MSR1: variants seen among roughly 807,000 people sequenced by gnomAD.
MSR1 encodes the protein macrophage scavenger receptor types I and II.
MSR1 carries 53 observed loss-of-function variants against 47.2 expected under a neutral mutation model. That is an observed-to-expected ratio of 1.12 (90% confidence interval 0.90 to 1.41). The LOEUF is 1.41. Ranked by LOEUF, MSR1 falls within the 40% of genes most tolerant of loss-of-function variation. MSR1 has a pLI of 0.00. For missense variants in MSR1, 786 were observed against 546.9 expected, an observed-to-expected ratio of 1.44 and a Z score of -4.36; for synonymous variants, 239 against 185.6, an observed-to-expected ratio of 1.29 and a Z score of -2.34.
At chr8:16,177,765 G>A in intron 2 of MSR1, 121 bp downstream of exon 2, 1 of 770,384 alleles carries the variant, frequency 1.3e-6, no homozygotes, top group Non-Finnish European at 2.2e-6. Flanking sequence ...ACCCCTGTTG[G>A]TCAAATAAGT....
At chr8:16,123,556 G>C (rs1800056851) in intron 8 of MSR1, among the ~76,000 whole-genome samples, 1 of 143,954 alleles carries the variant, frequency 6.9e-6, no homozygotes, top group South Asian at 2.3e-4. Context: ...TTTTTATCTT[G>C]TATATAAAGA....
intron 9 of MSR1, among the ~76,000 whole-genome samples, chr8:16,119,810 G>A (rs551432542): frequency 3.8e-4 from 57 of 150,616 alleles, no homozygotes; most frequent in African/African-American, 1.4e-3. Flanking sequence ...GAGCCCAAGC[G>A]ACCCTCCCAC....
intron 8 of MSR1, among the ~76,000 whole-genome samples, chr8:16,127,642 A>G (rs1208468386): frequency 6.8e-6 from 1 of 147,990 alleles, no homozygotes; most frequent in Non-Finnish European, 1.5e-5. Flanking sequence ...CTAGATGTTA[A>G]GATAATGCCA....
intron 8 of MSR1, among the ~76,000 whole-genome samples, chr8:16,136,383 T>C (rs2117095213): frequency 6.6e-6 from 1 of 152,310 alleles, no homozygotes; most frequent in Middle Eastern, 3.4e-3. Flanking sequence ...TAGCATTTTT[T>C]AGCAATAAAG....
intron 7 of MSR1, 91 bp downstream of exon 7, chr8:16,150,140 G>GTATATATATATATATATATA (rs55913131): frequency 1.2e-5 from 2 of 172,632 alleles, no homozygotes; most frequent in African/African-American, 6.2e-5. Flanking sequence ...GTGTGTGTGT[G>GTATATATATATATATATATA]TATATATATA....
chr8:16,191,533 T>C (rs1455333977), intron 1 of MSR1, among the ~76,000 whole-genome samples: 1 of 152,058 alleles, frequency 6.6e-6, no homozygotes, highest in Non-Finnish European at 1.5e-5. Flanking sequence ...TTTTTTTAAA[T>C]ATGAGCTTTT....
chr8:16,131,641 C>G (rs1008390985), intron 8 of MSR1, among the ~76,000 whole-genome samples: 16 of 151,832 alleles, frequency 1.1e-4, no homozygotes, highest in African/African-American at 3.6e-4. Flanking sequence ...TTTAATCCAT[C>G]TTGAGTTGAT....
chr8:16,176,324 T>C (rs1453103325), intron 2 of MSR1, among the ~76,000 whole-genome samples: 5 of 152,032 alleles, frequency 3.3e-5, no homozygotes, highest in Middle Eastern at 6.8e-3. Flanking sequence ...CTGGGCAACA[T>C]GGAGAAACCC....
intron 3 of MSR1, among the ~76,000 whole-genome samples, chr8:16,174,579 A>AT (rs1801585548): frequency 6.6e-6 from 1 of 152,034 alleles, no homozygotes; most frequent in Non-Finnish European, 1.5e-5. Context: ...CACGTTGTAT[A>AT]TTTTTTCTTT....
intron 4 of MSR1, among the ~76,000 whole-genome samples, chr8:16,164,653 T>C (rs998356935): frequency 1.3e-5 from 2 of 151,996 alleles, no homozygotes; most frequent in South Asian, 2.1e-4. Flanking sequence ...TAGATTTATA[T>C]TGGAAATTGT....
intron 3 of MSR1, among the ~76,000 whole-genome samples, chr8:16,171,459 A>C (rs536431214): frequency 2.0e-5 from 3 of 152,248 alleles, no homozygotes; most frequent in African/African-American, 7.2e-5. Context: ...GTTACTCTAC[A>C]TGTCTTAACG....
chr8:16,186,018 G>A, intron 1 of MSR1: 4 of 707,974 alleles, frequency 5.6e-6, no homozygotes, highest in Non-Finnish European at 4.6e-6. Flanking sequence ...TGGCCTGCAA[G>A]AAATCCATAA....
chr8:16,186,182 A>G, intron 1 of MSR1: 1 of 1,535,362 alleles, frequency 6.5e-7, no homozygotes, highest in South Asian at 1.2e-5. Flanking sequence ...GAAGAGAGAT[A>G]CTGATGATTG....
intron 8 of MSR1, among the ~76,000 whole-genome samples, chr8:16,121,698 C>T (rs1038667324): frequency 6.6e-6 from 1 of 151,386 alleles, no homozygotes; most frequent in African/African-American, 2.4e-5. Context: ...TCTACGTAAA[C>T]AAAAGATAGC....
intron 8 of MSR1, chr8:16,141,027 T>C (rs1473047793): frequency 6.2e-7 from 1 of 1,613,402 alleles, no homozygotes; most frequent in Admixed American, 1.7e-5. Flanking sequence ...CCTAATATGA[T>C]CAGTGAGTTG....
chr8:16,122,166 AATAAGC>A (rs1277024951), intron 8 of MSR1, among the ~76,000 whole-genome samples: 1 of 152,122 alleles, frequency 6.6e-6, no homozygotes, highest in Middle Eastern at 3.2e-3. Flanking sequence ...TTCTTCACTT[AATAAGC>A]ATAAGTTAAA....
chr8:16,148,407 T>C (rs565080445), intron 7 of MSR1, among the ~76,000 whole-genome samples: 3 of 152,280 alleles, frequency 2.0e-5, no homozygotes, highest in African/African-American at 4.8e-5. Flanking sequence ...GGTAAACTCC[T>C]GTCCACAGAA....
intron 9 of MSR1, among the ~76,000 whole-genome samples, chr8:16,113,273 GAA>G (rs1238483245): frequency 6.6e-6 from 1 of 151,580 alleles, no homozygotes; most frequent in African/African-American, 2.4e-5. Context: ...TTTAAAAAAT[GAA>G]AGATACTGAT....
At chr8:16,161,762 A>G (rs1291038666) in intron 5 of MSR1, among the ~76,000 whole-genome samples, 2 of 151,970 alleles carry the variant, frequency 1.3e-5, no homozygotes, top group East Asian at 3.9e-4. Flanking sequence ...TTGTCTATAT[A>G]TAGTTTTCTG....
Sources: allele counts gnomAD v4.1 joint callset (sites outside exome capture counted in the v4.1 genomes callset), GRCh38; gene constraint gnomAD v4.1.1; transcripts MANE v1.5; gene names NCBI Gene and HGNC (gene_info 2026-07-23, HGNC 2026-07-21).